The following WDHD1 variants were observed in gnomAD, a reference collection of about 807,000 sequenced individuals.
The protein encoded by WDHD1 is WD repeat and HMG-box DNA binding protein 1.
A neutral mutation model predicts 135.4 loss-of-function variants in WDHD1; 111 were observed. The observed-to-expected ratio is 0.82, with a 90% CI of 0.70 to 0.96. The LOEUF (loss-of-function observed/expected upper bound fraction) is 0.96, where lower values mean the gene tolerates loss of function less well. Among genes scored for constraint, WDHD1 ranks in the 40% least tolerant of loss-of-function variants. The probability of loss-of-function intolerance (pLI) is 0.00; values close to 1 mark genes in which losing one functional copy is unlikely to be tolerated. For synonymous variants in WDHD1, 434 were observed against 439.0 expected (o/e 0.99, Z 0.14); for missense variants, 1,351 against 1,336.3 (o/e 1.01, Z -0.17).
At chr14:54,995,886 C>T (rs2041870851) in intron 10 of WDHD1, 73 bp from the exon 11 acceptor site, 4 of 1,190,824 alleles carry the variant, frequency 3.4e-6, no homozygotes, top group South Asian at 1.8e-5. Context: ...AAAAGGTAAA[C>T]TTTTAATATG....
At chr14:54,950,176 C>A (rs530949235) in intron 24 of WDHD1, among the ~76,000 whole-genome samples, 307 of 152,194 alleles carry the variant, frequency 2.0e-3, no homozygotes, top group African/African-American at 7.2e-3. Context: ...GCTAAATGCT[C>A]CAATTAAAAG....
intron 14 of WDHD1, among the ~76,000 whole-genome samples, chr14:54,985,305 A>C (rs894866670): frequency 2.0e-5 from 3 of 152,240 alleles, no homozygotes; most frequent in African/African-American, 7.2e-5. Context: ...ACCTCTCAGA[A>C]AGTAAAGTTT....
chr14:55,012,737 G>A (rs1426049820), intron 3 of WDHD1, among the ~76,000 whole-genome samples: 3 of 152,090 alleles, frequency 2.0e-5, no homozygotes, highest in Non-Finnish European at 4.4e-5. Flanking sequence ...AAGAGAGGGC[G>A]AGAGGGAGAG....
At chr14:54,945,667 A>C (rs557545016) in intron 24 of WDHD1, among the ~76,000 whole-genome samples, 1 of 152,286 alleles carries the variant, frequency 6.6e-6, no homozygotes, top group South Asian at 2.1e-4. Flanking sequence ...CAGCCTCCCA[A>C]ACAGCTGGGA....
intron 11 of WDHD1, among the ~76,000 whole-genome samples, chr14:54,995,167 G>T (rs2041856810): frequency 1.3e-5 from 2 of 152,060 alleles, no homozygotes; most frequent in East Asian, 3.9e-4. Flanking sequence ...TTTTTGTAGA[G>T]ACAGGGTTTT....
rs1400945967 is a variant in WDHD1 at position 55,013,641 on chromosome 14, C to A, written c.78-45G>T. On this transcript the variant is annotated intron_variant, in intron 2 of 25. Transcript: ENST00000360586. ...ATTAAAGTCATCGGGCATGGTGTCT[C>A]ATGCCTATAATGCTAGCACTTTGGG... 3 of 1,464,000 alleles carry A rather than the reference C, an allele frequency of 2.0e-6. No homozygotes were observed. In the Admixed American group the frequency reaches 5.0e-5, roughly 24 times the overall value. 90.7% of individuals were successfully genotyped at this position (1,464,000 alleles called of 1,614,324 possible).
chr14:55,006,290 T>A (rs2042067922), intron 7 of WDHD1, among the ~76,000 whole-genome samples: 1 of 152,214 alleles, frequency 6.6e-6, no homozygotes, highest in South Asian at 2.1e-4. Flanking sequence ...TTCTTTTACT[T>A]CTCTTGGTAG....
chr14:54,967,901 G>T (rs531214265), intron 16 of WDHD1, among the ~76,000 whole-genome samples: 1 of 152,130 alleles, frequency 6.6e-6, no homozygotes, highest in African/African-American at 2.4e-5. Flanking sequence ...GATTACAGGC[G>T]TGAGCTACCC....
intron 7 of WDHD1, chr14:55,005,779 A>G: frequency 3.0e-6 from 1 of 333,078 alleles, no homozygotes; most frequent in Non-Finnish European, 5.6e-6. Flanking sequence ...CATGGGCTTT[A>G]GAATCAGCTC....
Position 54,941,428 on chromosome 14 carries a change from G to A in WDHD1, c.*62C>T, listed in dbSNP as rs550758925. On this transcript the variant is annotated 3_prime_UTR_variant, in exon 26 of 26. Coordinates refer to ENST00000360586, the MANE Select transcript of WDHD1 (RefSeq NM_007086.4). ...TATATAATGAGTTTCCCAAAGACTC[G>A]AGTCTATATTCAAAGATGAGTAAAA... The A allele has an allele frequency of 2.2e-5, 31 of 1,378,672 alleles. 1 individual carries two copies. In the South Asian group the frequency reaches 2.9e-4, roughly 13 times the overall value. 85.4% of individuals were successfully genotyped at this position (1,378,672 alleles called of 1,614,324 possible). A position where few individuals can be genotyped will look rare whatever the true frequency, so the allele number is the denominator to read the frequency against.
At chr14:54,951,065 C>G (rs2041042952) in intron 24 of WDHD1, among the ~76,000 whole-genome samples, 2 of 152,112 alleles carry the variant, frequency 1.3e-5, no homozygotes, top group South Asian at 4.2e-4. Flanking sequence ...AAAATTGACA[C>G]CCTAACATCA....
chr14:54,944,338 T>A lies in WDHD1; in HGVS notation c.3183A>T (p.Glu1061Asp). The A allele has an allele frequency of 6.2e-7, 1 of 1,601,750 alleles. No homozygotes were observed. The highest frequency in any genetic ancestry group is 8.5e-7 in the Non-Finnish European group (1 of 1,177,402). Reference sequence around the variant, plus strand: ...TCGGCACAATTATCCTTACCTTTCTTTCTTCAGTTGACAATACTCTAAATC... The same window carrying A: ...TCGGCACAATTATCCTTACCTTTCTATCTTCAGTTGACAATACTCTAAATC... The part of the protein sequence containing the change: ...MIRFRVLSTE[E>D]RKVWANKAKG... Residue 1061 changes from glutamate (E) to aspartate (D), a missense_variant, in exon 25 of 26, where the codon GAA becomes GAT. Glu to Asp is a conservative substitution (Grantham distance 45). This residue lies in a region of WDHD1 where 1,330 missense variants were observed against 1,296.1 expected (regional missense o/e 1.03). Coordinates refer to ENST00000360586, the MANE Select transcript of WDHD1 (RefSeq NM_007086.4).
chr14:54,989,955 C>CCTTG (rs2041758089), intron 12 of WDHD1, among the ~76,000 whole-genome samples: 1 of 152,162 alleles, frequency 6.6e-6, no homozygotes, highest in Non-Finnish European at 1.5e-5. Context: ...TGAGCCATCA[C>CCTTG]GCCCGGCAGA....
intron 2 of WDHD1, among the ~76,000 whole-genome samples, chr14:55,026,432 CA>C (rs370345095): frequency 1.5e-3 from 232 of 152,170 alleles, no homozygotes; most frequent in African/African-American, 5.4e-3. Flanking sequence ...AGTGATCTGA[CA>C]AAATTAATAA....
At chr14:55,007,655 C>T (rs186072000) in intron 6 of WDHD1, among the ~76,000 whole-genome samples, 11 of 152,206 alleles carry the variant, frequency 7.2e-5, no homozygotes, top group East Asian at 3.9e-4. Context: ...AACCCCAATA[C>T]GTGAAATTCT....
chr14:54,947,667 T>C (rs568576503), intron 24 of WDHD1, among the ~76,000 whole-genome samples: 7 of 152,054 alleles, frequency 4.6e-5, no homozygotes, highest in African/African-American at 1.7e-4. Context: ...TCTTGGCTCA[T>C]TGCAGCCTCC....
intron 2 of WDHD1, among the ~76,000 whole-genome samples, chr14:55,016,037 G>A (rs1335222736): frequency 6.6e-6 from 1 of 152,224 alleles, no homozygotes; most frequent in African/African-American, 2.4e-5. Flanking sequence ...TGCACTGGAG[G>A]AGACGTACAA....
Position 54,995,617 on chromosome 14 carries a change from T to C in WDHD1, c.1139A>G (p.Asp380Gly). ...PRQRSHILED[D>G]ENSVDISMLK... ...CAAATTCTTACCAACTGAGTTTTCA[T>C]CATCTTCTAGGATGTGACTTCGCTG... is the stretch of plus-strand genomic sequence containing the variant. The change falls in exon 11 of 26, where the codon GAT (aspartate) becomes GGT (glycine). Residue 380 changes from aspartate to glycine, a missense_variant. Around this residue, in one of 2 missense-constraint regions of WDHD1, gnomAD observed 1,330 missense variants for 1,296.1 expected, o/e 1.03. Transcript: ENST00000360586. The C allele has an allele frequency of 1.3e-6, 2 of 1,592,916 alleles. No individual in the cohort carries two copies. Among genetic ancestry groups the C allele is most frequent in the South Asian group, 2.3e-5 (2 of 88,226 alleles).
At chr14:54,950,117 T>C (rs2041016967) in intron 24 of WDHD1, among the ~76,000 whole-genome samples, 1 of 152,206 alleles carries the variant, frequency 6.6e-6, no homozygotes, top group Non-Finnish European at 1.5e-5. Flanking sequence ...AACATCATAA[T>C]GACAGGATCA....
Sources: allele counts gnomAD v4.1 joint callset (sites outside exome capture counted in the v4.1 genomes callset), GRCh38; gene constraint gnomAD v4.1.1; regional missense constraint gnomAD v4.1.1; transcripts MANE v1.5; gene names NCBI Gene and HGNC (gene_info 2026-07-23, HGNC 2026-07-21).